Variants in LAMA2 observed in about 807,000 individuals in gnomAD.
LAMA2 encodes laminin subunit alpha 2.
LAMA2 carries 269 observed loss-of-function variants against 364.8 expected under a neutral mutation model. That is an observed-to-expected ratio of 0.74 (90% CI 0.67 to 0.82). The LOEUF (loss-of-function observed/expected upper bound fraction) is 0.82. LAMA2 is among the 40% of genes least tolerant of loss of function. LAMA2 has a pLI of 0.00. For missense variants in LAMA2, 3,807 were observed against 3,873.2 expected (o/e 0.98, Z 0.45); for synonymous variants, 1,379 against 1,370.6 (o/e 1.01, Z -0.14).
intron 28 of LAMA2, among the ~76,000 whole-genome samples, chr6:129,324,653 G>A (rs543959889): frequency 5.9e-5 from 9 of 152,300 alleles, no homozygotes; most frequent in Admixed American, 2.6e-4. Context: ...GGCTACATGG[G>A]ATAGCCTGTT....
At chr6:129,059,990 C>T (rs1788786288) in intron 3 of LAMA2, 94 bp downstream of exon 3, 2 of 737,996 alleles carry the variant, frequency 2.7e-6, no homozygotes, top group South Asian at 1.5e-5. Context: ...AAAGGATACT[C>T]TTTCTTATCA....
At chr6:129,487,394 G>C (rs9483036) in intron 56 of LAMA2, among the ~76,000 whole-genome samples, 2 of 152,104 alleles carry the variant, frequency 1.3e-5, no homozygotes, top group African/African-American at 4.8e-5. Context: ...AATTAGTTTA[G>C]AAGGACAATT....
intron 3 of LAMA2, among the ~76,000 whole-genome samples, chr6:129,080,705 A>G (rs1773990449): frequency 6.6e-6 from 1 of 152,196 alleles, no homozygotes; most frequent in South Asian, 2.1e-4. Context: ...ACCATCCCAC[A>G]CCAGTTAGAA....
At position 129,362,609 on chromosome 6, in the gene LAMA2, T is replaced by C. The variant is rs1362335319; in HGVS notation, c.4718-3610T>C. ...AATATTAACTGTGTACAAGACCCTT[T>C]CCTAGGCACCATAACCAAGGTGTTT... On this transcript the variant is annotated intron_variant, in intron 32 of 64. Coordinates refer to ENST00000421865, the MANE Select transcript of LAMA2 (RefSeq NM_000426.4). Among the ~76,000 whole-genome samples, 4 of 152,220 alleles carry C rather than the reference T, an allele frequency of 2.6e-5. No individual in the cohort carries two copies. In the South Asian group the frequency reaches 6.2e-4, roughly 24 times the overall value.
At chr6:129,098,032 T>G (rs1775288359) in intron 3 of LAMA2, 141 bp from the exon 4 acceptor site, 2 of 1,025,914 alleles carry the variant, frequency 1.9e-6, no homozygotes, top group Non-Finnish European at 2.9e-6. Context: ...CCTGTAATAG[T>G]AAAATCATTT....
intron 3 of LAMA2, among the ~76,000 whole-genome samples, chr6:129,096,867 G>A (rs890423048): frequency 2.0e-5 from 3 of 152,230 alleles, no homozygotes; most frequent in East Asian, 1.9e-4. Flanking sequence ...TGAAGGAATA[G>A]CATCAGAGCC....
At chr6:128,947,076 T>C (rs1015427210) in intron 1 of LAMA2, among the ~76,000 whole-genome samples, 3 of 152,248 alleles carry the variant, frequency 2.0e-5, no homozygotes, top group Admixed American at 2.0e-4. Context: ...GCTTTTCTAA[T>C]TGCAAACACA....
intron 40 of LAMA2, among the ~76,000 whole-genome samples, chr6:129,410,063 G>T (rs1562538385): frequency 1.3e-5 from 2 of 152,166 alleles, no homozygotes; most frequent in African/African-American, 4.8e-5. Context: ...CACTGGAAAT[G>T]TCTTAGATGT....
chr6:128,975,373 G>A (rs1227507088), intron 1 of LAMA2, among the ~76,000 whole-genome samples: 1 of 152,228 alleles, frequency 6.6e-6, no homozygotes, highest in East Asian at 1.9e-4. Context: ...GGAGTAGGTG[G>A]ATGGACCATG....
Position 129,147,056 on chromosome 6 carries a change from T to C in LAMA2, c.909+8T>C, listed in dbSNP as rs756131584. On this transcript the variant is annotated splice_region_variant and intron_variant, in intron 6 of 64. Coordinates refer to ENST00000421865, the MANE Select transcript of LAMA2 (RefSeq NM_000426.4). Reference sequence around the variant, plus strand: ...CTTGATCCAGCGACAAATGTATGTATATTTATAGGATGCTTAGGCAAAATG... The same window carrying C: ...CTTGATCCAGCGACAAATGTATGTACATTTATAGGATGCTTAGGCAAAATG... 3 of 1,567,704 alleles carry C rather than the reference T, an allele frequency of 1.9e-6. No homozygotes were observed. Among genetic ancestry groups the C allele is most frequent in the African/African-American group, 1.4e-5 (1 of 73,942 alleles).
chr6:129,013,574 G>T (rs1784901165), intron 1 of LAMA2, among the ~76,000 whole-genome samples: 1 of 152,190 alleles, frequency 6.6e-6, no homozygotes. Flanking sequence ...GTGGGTTAGA[G>T]AAATCCAATG....
chr6:129,190,369 G>A (rs1211108507), intron 11 of LAMA2, 24 bp downstream of exon 11: 1 of 1,611,248 alleles, frequency 6.2e-7, no homozygotes, highest in East Asian at 2.2e-5. Flanking sequence ...ATTTGGTTCT[G>A]TTTGCTGCCC....
At chr6:129,501,119 C>T (rs1003888802) in intron 58 of LAMA2, among the ~76,000 whole-genome samples, 1 of 152,126 alleles carries the variant, frequency 6.6e-6, no homozygotes, top group Non-Finnish European at 1.5e-5. Context: ...TTTATCGAGA[C>T]GGTCCTCTGT....
chr6:129,174,415 G>T (rs1193262716), intron 9 of LAMA2, among the ~76,000 whole-genome samples: 2 of 151,770 alleles, frequency 1.3e-5, no homozygotes, highest in Non-Finnish European at 2.9e-5. Context: ...CTGTTATTGA[G>T]TCTGAGTCTG....
At position 129,496,817 on chromosome 6, in the gene LAMA2, C is replaced by T. The variant is rs556490096; in HGVS notation, c.8244+4334C>T. Among the ~76,000 whole-genome samples, 28 of 152,234 alleles carry T rather than the reference C, an allele frequency of 1.8e-4. No homozygotes were observed. In the East Asian group the frequency reaches 5.2e-3, roughly 28 times the overall value. The stretch of plus-strand genomic sequence containing the variant: ...TGCCATAGCCCTCCCACTTTTATTC[C>T]ATGAATTCTGGCAGGTTACTTGTCC... On this transcript the variant is annotated intron_variant, in intron 58 of 64. Coordinates refer to ENST00000421865, the MANE Select transcript of LAMA2 (RefSeq NM_000426.4).
intron 1 of LAMA2, among the ~76,000 whole-genome samples, chr6:128,992,552 T>C (rs759608022): frequency 9.9e-5 from 15 of 152,208 alleles, no homozygotes; most frequent in Non-Finnish European, 2.2e-4. Flanking sequence ...AACTGTTACA[T>C]GTGATAAAAA....
At chr6:129,440,755 T>G in intron 42 of LAMA2, 61 bp from the exon 43 acceptor site, 2 of 1,423,812 alleles carry the variant, frequency 1.4e-6, no homozygotes, top group Non-Finnish European at 2.0e-6. Context: ...TTGTCAAGCA[T>G]GGATTAAGCC....
At chr6:129,223,165 C>A (rs1219726682) in intron 12 of LAMA2, among the ~76,000 whole-genome samples, 1 of 152,020 alleles carries the variant, frequency 6.6e-6, no homozygotes, top group African/African-American at 2.4e-5. Context: ...CTGTTCATAT[C>A]CTTTGCCCAA....
chr6:129,186,928 T>C (rs1484172924), intron 10 of LAMA2, among the ~76,000 whole-genome samples: 3 of 151,842 alleles, frequency 2.0e-5, no homozygotes, highest in Non-Finnish European at 2.9e-5. Context: ...ATATCTCATA[T>C]GTCTTGTATA....
Sources: allele counts gnomAD v4.1 joint callset (sites outside exome capture counted in the v4.1 genomes callset), GRCh38; gene constraint gnomAD v4.1.1; transcripts MANE v1.5; gene names NCBI Gene and HGNC (gene_info 2026-07-23, HGNC 2026-07-21).